Variants in MAP4K3 observed in about 807,000 individuals in gnomAD.
MAP4K3 encodes MAPK/ERK kinase kinase kinase 3.
MAP4K3 carries 94 observed loss-of-function variants against 143.5 expected under a neutral mutation model. That is an observed-to-expected ratio of 0.65 (90% confidence interval 0.55 to 0.78). MAP4K3 has a LOEUF of 0.78. Among genes scored for constraint, MAP4K3 ranks in the 30% least tolerant of loss-of-function variants. The probability of loss-of-function intolerance (pLI) is 0.00; values close to 1 mark genes in which losing one functional copy is unlikely to be tolerated. For synonymous variants in MAP4K3, 416 were observed against 347.2 expected, an observed-to-expected ratio of 1.20 and a Z score of -2.20; for missense variants, 1,077 against 1,068.1, an observed-to-expected ratio of 1.01 and a Z score of -0.12.
At chr2:39,257,538 C>G (rs1021009744) in intron 31 of MAP4K3, among the ~76,000 whole-genome samples, 1 of 152,130 alleles carries the variant, frequency 6.6e-6, no homozygotes, top group African/African-American at 2.4e-5. Flanking sequence ...CGGTGGCTCA[C>G]GCCTGTAATC....
intron 3 of MAP4K3, among the ~76,000 whole-genome samples, chr2:39,352,100 G>A (rs1370198082): frequency 6.6e-6 from 1 of 152,156 alleles, no homozygotes; most frequent in Non-Finnish European, 1.5e-5. Context: ...AGACCAGCCT[G>A]GCCAATATGG....
chr2:39,405,303 T>A (rs186078736), intron 1 of MAP4K3, among the ~76,000 whole-genome samples: 1 of 152,150 alleles, frequency 6.6e-6, no homozygotes, highest in Non-Finnish European at 1.5e-5. Context: ...TTCTTTTGGA[T>A]CTTATTGAAG....
intron 16 of MAP4K3, among the ~76,000 whole-genome samples, chr2:39,296,629 C>G (rs1263407342): frequency 6.6e-6 from 1 of 152,208 alleles, no homozygotes; most frequent in Non-Finnish European, 1.5e-5. Flanking sequence ...CGGTTATTAA[C>G]ATCTTTAAAA....
At chr2:39,293,119 T>C in intron 17 of MAP4K3, 111 bp downstream of exon 17, 1 of 827,368 alleles carries the variant, frequency 1.2e-6, no homozygotes, top group South Asian at 1.6e-5. Context: ...CCTATCTCTA[T>C]TAAAGAAAAA....
At chr2:39,404,681 G>T (rs1181366201) in intron 1 of MAP4K3, among the ~76,000 whole-genome samples, 1 of 146,206 alleles carries the variant, frequency 6.8e-6, no homozygotes, top group Non-Finnish European at 1.5e-5. Context: ...GAGTGCAACG[G>T]CACGATCTCG....
chr2:39,294,915 TCTCATGAGTATACA>T (rs1462403771), intron 16 of MAP4K3, among the ~76,000 whole-genome samples: 1 of 152,168 alleles, frequency 6.6e-6, no homozygotes, highest in Non-Finnish European at 1.5e-5. Context: ...GCTCTTATTT[TCTCATGAGTATACA>T]CTGGAGTTTT....
intron 4 of MAP4K3, among the ~76,000 whole-genome samples, chr2:39,339,799 CA>C (rs1665089799): frequency 1.3e-5 from 2 of 151,436 alleles, no homozygotes; most frequent in African/African-American, 4.8e-5. Context: ...ACCAGGATCC[CA>C]GAAAAAAAAC....
rs78310928 is a variant in MAP4K3, at chr2:39,437,120, G to GGCCGCC, written c.-139_-134dup. ...TCACAATCACCCGGCTCCACGCTGCGGCCGCCGCCGCCGCCGCCGCTCCCC... is the reference window on the plus strand; with the variant it reads ...TCACAATCACCCGGCTCCACGCTGCGGCCGCCGCCGCCGCCGCCGCCGCCGCTCCCC... On this transcript the variant is annotated 5_prime_UTR_variant, in exon 1 of 34. Transcript: ENST00000263881. 17,366 of 512,866 alleles carry GGCCGCC rather than the reference G, an allele frequency of 0.034. 374 individuals are homozygous for GGCCGCC. The highest frequency in any genetic ancestry group is 0.038 in the East Asian group (997 of 25,914). 31.8% of individuals were successfully genotyped at this position (512,866 alleles called of 1,614,324 possible). A position where few individuals can be genotyped will look rare whatever the true frequency, so the allele number is the denominator to read the frequency against.
At chr2:39,373,706 G>A (rs1039210168) in intron 2 of MAP4K3, among the ~76,000 whole-genome samples, 1 of 152,210 alleles carries the variant, frequency 6.6e-6, no homozygotes, top group African/African-American at 2.4e-5. Flanking sequence ...AACATCACAT[G>A]TTCTCATTTA....
chr2:39,353,046 C>A (rs1665503311), intron 3 of MAP4K3, among the ~76,000 whole-genome samples: 1 of 152,148 alleles, frequency 6.6e-6, no homozygotes, highest in African/African-American at 2.4e-5. Context: ...GAGACTAAAT[C>A]TGGCCTTTCT....
intron 2 of MAP4K3, among the ~76,000 whole-genome samples, chr2:39,359,916 G>T (rs1665719240): frequency 6.6e-6 from 1 of 152,228 alleles, no homozygotes; most frequent in South Asian, 2.1e-4. Flanking sequence ...TAAGCCTCCA[G>T]GGCTGTGATG....
intron 14 of MAP4K3, among the ~76,000 whole-genome samples, chr2:39,309,096 T>A (rs1038241480): frequency 4.6e-5 from 7 of 152,018 alleles, no homozygotes; most frequent in African/African-American, 1.2e-4. Flanking sequence ...ATTACTTACC[T>A]TTTTGTTTCC....
chr2:39,325,440 T>C, intron 12 of MAP4K3, 78 bp downstream of exon 12: 1 of 902,366 alleles, frequency 1.1e-6, no homozygotes, highest in Non-Finnish European at 1.6e-6. Flanking sequence ...AAATGGATTT[T>C]GAGACGTACA....
chr2:39,392,894 G>A (rs1286082364), intron 1 of MAP4K3, among the ~76,000 whole-genome samples: 6 of 152,148 alleles, frequency 3.9e-5, no homozygotes, highest in Admixed American at 3.9e-4. Flanking sequence ...GGACTTTCCA[G>A]CCTCCAAAAC....
chr2:39,303,679 A>C (rs2058864), intron 15 of MAP4K3, among the ~76,000 whole-genome samples: 152,195 of 152,248 alleles, frequency 1, 76,071 homozygotes, highest in Non-Finnish European at 1. Flanking sequence ...GCTGGGATTA[A>C]AGACGTGCAC....
intron 29 of MAP4K3, among the ~76,000 whole-genome samples, chr2:39,259,002 T>C (rs529746159): frequency 1.5e-5 from 2 of 137,470 alleles, no homozygotes; most frequent in Non-Finnish European, 3.1e-5. Flanking sequence ...TTTACAAAAA[T>C]GAAAATTGTT....
chr2:39,436,318 C>CA (rs60264140), intron 1 of MAP4K3, among the ~76,000 whole-genome samples: 7,093 of 129,224 alleles, frequency 0.055, 191 homozygotes, highest in South Asian at 0.073. Context: ...TTGCTCTTTC[C>CA]AAAAAAAAAA....
In MAP4K3 at chr2:39,331,950, G is replaced by T; in HGVS notation, c.497C>A (p.Ala166Asp). Residue 166 changes from alanine (A) to aspartate (D), a missense_variant, in exon 8 of 34, where the codon GCC (alanine) becomes GAC (aspartate). Transcript: ENST00000263881. Reference protein sequence around the residue: ...GVSAQITATIAKRKSFIGTPY... With the variant: ...GVSAQITATIDKRKSFIGTPY... ...TGTGCCAATGAAAGACTTCCGTTTG[G>T]CAATTGTAGCTGTTATCTGTGCAGA... 1 of 1,570,730 alleles carries T rather than the reference G, an allele frequency of 6.4e-7. No individual in the cohort carries two copies. Among genetic ancestry groups the T allele is most frequent in the Non-Finnish European group, 8.7e-7 (1 of 1,152,166 alleles).
At chr2:39,299,443 A>G (rs1682419396) in intron 16 of MAP4K3, among the ~76,000 whole-genome samples, 1 of 152,192 alleles carries the variant, frequency 6.6e-6, no homozygotes, top group African/African-American at 2.4e-5. Context: ...AAATAAACAG[A>G]TCAGTTTTAG....
Sources: allele counts gnomAD v4.1 joint callset (sites outside exome capture counted in the v4.1 genomes callset), GRCh38; gene constraint gnomAD v4.1.1; transcripts MANE v1.5; gene names NCBI Gene and HGNC (gene_info 2026-07-23, HGNC 2026-07-21).